The following GABBR2 variants were observed in gnomAD, a reference collection of about 807,000 sequenced individuals.
The protein encoded by GABBR2 is gamma-aminobutyric acid type B receptor subunit 2.
In GABBR2, 23 loss-of-function variants were observed where a neutral mutation model predicts 105.6. That is an observed-to-expected ratio of 0.22 (90% CI 0.16 to 0.31). The LOEUF (loss-of-function observed/expected upper bound fraction) is 0.31. GABBR2 is among the 10% of genes least tolerant of loss of function. GABBR2 has a pLI of 1.00. For missense variants in GABBR2, 734 were observed against 1,245.5 expected (o/e 0.59, Z 6.18); for synonymous variants, 478 against 499.7 (o/e 0.96, Z 0.58).
Position 98,454,289 on chromosome 9 carries a change from G to A in GABBR2, c.1000-72C>T, listed in dbSNP as rs922258881. 3 of 1,005,772 alleles carry A rather than the reference G, an allele frequency of 3.0e-6. No homozygotes were observed. Among genetic ancestry groups the A allele is most frequent in the East Asian group, 4.8e-5 (2 of 42,032 alleles). 62.3% of individuals were successfully genotyped at this position (1,005,772 alleles called of 1,614,324 possible). A position where few individuals can be genotyped will look rare whatever the true frequency, so the allele number is the denominator to read the frequency against. ...GACATCAGGTGCCTGATGCCGAGAA[G>A]AGCTGCTATTCTTCAATGCCCACAG... On this transcript the variant is annotated intron_variant, in intron 6 of 18. Transcript: ENST00000259455. This position sits in a 1 kb window ranked among gnomAD's most constrained non-coding sequence, Gnocchi z 4.6.
At chr9:98,555,149 AAGTT>A (rs770948207) in intron 2 of GABBR2, among the ~76,000 whole-genome samples, 15 of 152,242 alleles carry the variant, frequency 9.9e-5, no homozygotes, top group Admixed American at 9.8e-4. Context: ...TACAAGAACT[AAGTT>A]AGGAGAATTA....
At chr9:98,502,725 C>T (rs1189146595) in intron 3 of GABBR2, among the ~76,000 whole-genome samples, 1 of 152,210 alleles carries the variant, frequency 6.6e-6, no homozygotes, top group Non-Finnish European at 1.5e-5. Flanking sequence ...CCCCAGTCAG[C>T]CTGGAAAGGG....
At chr9:98,358,235 T>C (rs1211778444) in intron 13 of GABBR2, among the ~76,000 whole-genome samples, 1 of 152,230 alleles carries the variant, frequency 6.6e-6, no homozygotes, top group East Asian at 1.9e-4. Context: ...CCTAGTGGAA[T>C]AGCTGGGCTG....
chr9:98,599,181 T>A (rs761913679), intron 1 of GABBR2, among the ~76,000 whole-genome samples: 3 of 152,178 alleles, frequency 2.0e-5, no homozygotes, highest in Non-Finnish European at 4.4e-5. Context: ...ACTCAGTTCC[T>A]CAGGAGGCCT....
At chr9:98,450,565 T>C (rs1208599896) in intron 7 of GABBR2, among the ~76,000 whole-genome samples, 2 of 152,214 alleles carry the variant, frequency 1.3e-5, no homozygotes, top group African/African-American at 2.4e-5. Context: ...AGGCAGGGCC[T>C]GTCCAGCTAC....
chr9:98,541,607 TGAGGGAATA>T (rs1828305896), intron 3 of GABBR2, among the ~76,000 whole-genome samples: 1 of 152,110 alleles, frequency 6.6e-6, no homozygotes, highest in Non-Finnish European at 1.5e-5. Context: ...ACAGGGCCAC[TGAGGGAATA>T]AGCCACACGA....
chr9:98,394,739 C>G (rs1197919545), intron 8 of GABBR2, among the ~76,000 whole-genome samples: 1 of 152,182 alleles, frequency 6.6e-6, no homozygotes, highest in Admixed American at 6.5e-5. Context: ...TCTCCCTGCT[C>G]CCCCACCCCA....
At chr9:98,512,412 A>T (rs1827664720) in intron 3 of GABBR2, among the ~76,000 whole-genome samples, 1 of 151,492 alleles carries the variant, frequency 6.6e-6, no homozygotes, top group Non-Finnish European at 1.5e-5. Context: ...GGCCAGGGCA[A>T]TTAGGCAGGA....
At chr9:98,335,330 C>T (rs148681323) in intron 13 of GABBR2, among the ~76,000 whole-genome samples, 2 of 152,326 alleles carry the variant, frequency 1.3e-5, no homozygotes, top group African/African-American at 4.8e-5. Context: ...CAGGGACCAA[C>T]TGGACTTCAG....
intron 1 of GABBR2, among the ~76,000 whole-genome samples, chr9:98,618,172 C>A (rs890446546): frequency 6.6e-6 from 1 of 152,176 alleles, no homozygotes; most frequent in Non-Finnish European, 1.5e-5. Context: ...AGCTCCAGTT[C>A]TCTGGTCTCA....
intron 2 of GABBR2, among the ~76,000 whole-genome samples, chr9:98,571,406 G>A (rs1251654859): frequency 1.3e-5 from 2 of 152,178 alleles, no homozygotes; most frequent in African/African-American, 4.8e-5. Flanking sequence ...TTTTGGACCA[G>A]CAGCATTTGT....
At chr9:98,679,784 A>G (rs1830519610) in intron 1 of GABBR2, among the ~76,000 whole-genome samples, 1 of 152,204 alleles carries the variant, frequency 6.6e-6, no homozygotes, top group Non-Finnish European at 1.5e-5. Flanking sequence ...GGGGAAAGGA[A>G]CATCCTTATC....
chr9:98,330,774 A>T (rs1192622998), intron 13 of GABBR2, among the ~76,000 whole-genome samples: 2 of 152,238 alleles, frequency 1.3e-5, no homozygotes, highest in Non-Finnish European at 2.9e-5. Context: ...CACAAAATTC[A>T]CAATTTAAAC....
chr9:98,621,548 G>T (rs764133288), intron 1 of GABBR2, among the ~76,000 whole-genome samples: 1 of 152,194 alleles, frequency 6.6e-6, no homozygotes, highest in Non-Finnish European at 1.5e-5. Flanking sequence ...GACGCATTCT[G>T]CAGACTGAAA....
At chr9:98,321,940 C>A (rs891294252) in intron 13 of GABBR2, among the ~76,000 whole-genome samples, 2 of 152,170 alleles carry the variant, frequency 1.3e-5, no homozygotes, top group Non-Finnish European at 2.9e-5. Context: ...TCCTTCCCTG[C>A]TTTCTGCTTC....
In GABBR2 at chr9:98,343,344, C is replaced by T. The variant is rs1030897770; in HGVS notation, c.1893+19371G>A. Among the ~76,000 whole-genome samples the T allele has an allele frequency of 5.9e-5, 9 of 152,144 alleles. No individual in the cohort carries two copies. In the East Asian group the frequency reaches 7.7e-4, roughly 13 times the overall value. On this transcript the variant is annotated intron_variant, in intron 13 of 18. Transcript: ENST00000259455. The stretch of plus-strand genomic sequence containing the variant: ...TGCCACAGTGGCTGCCCTGTGGTTC[C>T]GTGGCTCACCTGGGTGTTCAATATT...
chr9:98,302,539 T>G (rs1328333831), intron 16 of GABBR2, among the ~76,000 whole-genome samples: 2 of 152,220 alleles, frequency 1.3e-5, no homozygotes, highest in Admixed American at 1.3e-4. Flanking sequence ...TAGCCAGCAT[T>G]GTAACCAATG....
chr9:98,401,628 T>C (rs1351324075), intron 8 of GABBR2, among the ~76,000 whole-genome samples: 1 of 152,154 alleles, frequency 6.6e-6, no homozygotes, highest in African/African-American at 2.4e-5. Flanking sequence ...TCAAGTTGAG[T>C]GACAGTCTGA....
At chr9:98,658,650 T>C (rs925255376) in intron 1 of GABBR2, among the ~76,000 whole-genome samples, 1 of 152,182 alleles carries the variant, frequency 6.6e-6, no homozygotes, top group Non-Finnish European at 1.5e-5. Context: ...CCACTGCCAG[T>C]ATCCTTCAGG....
Sources: allele counts gnomAD v4.1 joint callset (sites outside exome capture counted in the v4.1 genomes callset), GRCh38; gene constraint gnomAD v4.1.1; non-coding constraint Gnocchi (gnomAD v3.1); transcripts MANE v1.5; gene names NCBI Gene and HGNC (gene_info 2026-07-23, HGNC 2026-07-21).